The following KCNS3 variants were observed in gnomAD, a reference collection of about 807,000 sequenced individuals.
KCNS3 encodes the protein delayed-rectifier potassium channel regulatory subunit KCNS3.
In KCNS3, 13 loss-of-function variants were observed where a neutral mutation model predicts 31.0. The ratio of observed to expected loss-of-function variants is 0.42; its 90% CI spans 0.27 to 0.67. The LOEUF (loss-of-function observed/expected upper bound fraction) is 0.67. Ranked by LOEUF, KCNS3 falls within the 30% of genes least tolerant of loss-of-function variation. KCNS3 has a pLI of 0.25. For synonymous variants in KCNS3, 238 were observed against 241.5 expected, an observed-to-expected ratio of 0.99 and a Z score of 0.13; for missense variants, 545 against 622.4, an observed-to-expected ratio of 0.88 and a Z score of 1.32.
Position 17,931,628 on chromosome 2 carries a change from T to C in KCNS3, c.620T>C (p.Met207Thr), listed in dbSNP as rs1662976687. 6.2e-7 allele frequency: 1 copy of C among 1,614,184 alleles called. No homozygotes were observed. The highest frequency in any genetic ancestry group is 8.5e-7 in the Non-Finnish European group (1 of 1,180,036). The change falls in exon 3 of 3, where the codon ATG becomes ACG. Residue 207 changes from methionine to threonine, a missense_variant. Coordinates refer to ENST00000304101, the MANE Select transcript of KCNS3 (RefSeq NM_002252.5). This position sits in a 1 kb window ranked among gnomAD's most constrained non-coding sequence, Gnocchi z 5.4. ...ASIVAMCVHS[M>T]SEFQNEDGEV... ...ATCGTGGCCATGTGCGTTCACAGCA[T>C]GTCGGAGTTCCAGAATGAGGATGGA... is the stretch of plus-strand genomic sequence containing the variant.
intron 1 of KCNS3, among the ~76,000 whole-genome samples, chr2:17,888,629 G>GTATATCTATATATATC (rs35102585): frequency 9.7e-5 from 9 of 92,368 alleles, no homozygotes; most frequent in African/African-American, 3.6e-4. Flanking sequence ...TAAAAAAAAT[G>GTATATCTATATATATC]TATATATATA....
At chr2:17,906,825 T>A (rs368962182) in intron 1 of KCNS3, among the ~76,000 whole-genome samples, 3 of 152,026 alleles carry the variant, frequency 2.0e-5, no homozygotes, top group South Asian at 2.2e-4. Flanking sequence ...TCTGAGAGAC[T>A]GTTTGTTATA....
chr2:17,909,313 G>A (rs1254251463), intron 1 of KCNS3, among the ~76,000 whole-genome samples: 4 of 152,140 alleles, frequency 2.6e-5, no homozygotes, highest in African/African-American at 4.8e-5. Context: ...GGAAAAGTGC[G>A]GTATTAGGGT....
chr2:17,904,089 T>G (rs902892664), intron 1 of KCNS3, among the ~76,000 whole-genome samples: 1 of 152,182 alleles, frequency 6.6e-6, no homozygotes, highest in Non-Finnish European at 1.5e-5. Context: ...GTAAAAGTGT[T>G]CCTATTTCTC....
At position 17,884,263 on chromosome 2, in the gene KCNS3, AAAAAAATATATATAT is replaced by A. The variant is rs1274362024; in HGVS notation, c.-252+5459_-252+5473del. On this transcript the variant is annotated intron_variant, in intron 1 of 2. Transcript: ENST00000304101. ...TAGAACTTAAAGTATAATTAAAAAAAAAAAAATATATATATATATATATATATATATATATATATA... is the reference window on the plus strand; with the variant it reads ...TAGAACTTAAAGTATAATTAAAAAAAATATATATATATATATATATATATA... 4.8e-3 allele frequency among the ~76,000 whole-genome samples: 228 copies of A among 47,244 alleles called. 7 individuals carry two copies. The East Asian group carries it at 0.076, about 16-fold the overall frequency. 31.0% of individuals were successfully genotyped at this position (47,244 alleles called of 152,430 possible).
intron 2 of KCNS3, among the ~76,000 whole-genome samples, chr2:17,919,041 TTG>T (rs2125249597): frequency 6.6e-6 from 1 of 152,348 alleles, no homozygotes; most frequent in East Asian, 1.9e-4. Context: ...CTGTTTCTGT[TTG>T]AAAAGCTATC....
chr2:17,926,724 C>G (rs879713274), intron 2 of KCNS3, among the ~76,000 whole-genome samples: 2 of 152,254 alleles, frequency 1.3e-5, no homozygotes, highest in Non-Finnish European at 2.9e-5. Flanking sequence ...CAGCGGGGCC[C>G]TAGGCCTAGC....
rs1662261530 is a variant in KCNS3 at position 17,904,314 on chromosome 2, T to C, written c.-251-13366T>C. ...CACTTGTTGATGGGGTTGTTTGTTTTTTTCTTGTAAATTTGTTGGAGTTCT... is the reference window on the plus strand; with the variant it reads ...CACTTGTTGATGGGGTTGTTTGTTTCTTTCTTGTAAATTTGTTGGAGTTCT... On this transcript the variant is annotated intron_variant, in intron 1 of 2. Transcript: ENST00000304101. Among the ~76,000 whole-genome samples the C allele has an allele frequency of 2.0e-5, 3 of 150,950 alleles. No individual in the cohort carries two copies. The South Asian group carries it at 6.4e-4, about 32-fold the overall frequency.
At chr2:17,911,135 T>G (rs886790919) in intron 1 of KCNS3, among the ~76,000 whole-genome samples, 1 of 152,262 alleles carries the variant, frequency 6.6e-6, no homozygotes, top group Non-Finnish European at 1.5e-5. Flanking sequence ...ACTCTACCTC[T>G]TCTGAACTTC....
chr2:17,888,637 A>C lies in KCNS3; in HGVS notation c.-252+9831A>C, dbSNP rs1407562262. On this transcript the variant is annotated intron_variant, in intron 1 of 2. Coordinates refer to ENST00000304101, the MANE Select transcript of KCNS3 (RefSeq NM_002252.5). The stretch of plus-strand genomic sequence containing the variant: ...AGTATAATAAAAAAAATGTATATAT[A>C]TATATATATATATATATATATATAT... Among the ~76,000 whole-genome samples the C allele has an allele frequency of 4.8e-3, 339 of 70,742 alleles. 11 individuals are homozygous for C. The highest frequency in any genetic ancestry group is 0.024 in the Admixed American group (190 of 8,030). 46.4% of individuals were successfully genotyped at this position (70,742 alleles called of 152,430 possible).
chr2:17,930,963 T>A lies in KCNS3; in HGVS notation c.-46T>A. On this transcript the variant is annotated 5_prime_UTR_variant, in exon 3 of 3. Transcript: ENST00000304101. ...TGCTCTTTCCAGGTGCAGCCTGATC[T>A]TCCTCTTCTCCCTTGCCAGCCAGCA... is the stretch of plus-strand genomic sequence containing the variant. 6.3e-7 allele frequency: 1 copy of A among 1,581,292 alleles called. No individual in the cohort carries two copies.
chr2:17,899,917 A>G (rs548130719), intron 1 of KCNS3, among the ~76,000 whole-genome samples: 2 of 152,330 alleles, frequency 1.3e-5, no homozygotes, highest in African/African-American at 4.8e-5. Context: ...AGATAAAGCC[A>G]AAATACAGTT....
At chr2:17,922,422 T>C (rs1281650288) in intron 2 of KCNS3, among the ~76,000 whole-genome samples, 1 of 152,196 alleles carries the variant, frequency 6.6e-6, no homozygotes, top group African/African-American at 2.4e-5. Context: ...TTGTCAAGGC[T>C]GGTCTCAAAC....
chr2:17,877,857 G>A (rs1190048018), upstream of KCNS3: 1 of 152,284 alleles, frequency 6.6e-6, no homozygotes, highest in African/African-American at 2.4e-5. Context: ...AGTGCAGCGA[G>A]GCCAGCGATG....
At chr2:17,901,348 G>A (rs1365227724) in intron 1 of KCNS3, among the ~76,000 whole-genome samples, 2 of 152,106 alleles carry the variant, frequency 1.3e-5, no homozygotes, top group East Asian at 1.9e-4. Flanking sequence ...AAATCGAGTT[G>A]AGAGGCAATG....
chr2:17,922,943 G>C (rs1662752219), intron 2 of KCNS3, among the ~76,000 whole-genome samples: 2 of 152,064 alleles, frequency 1.3e-5, no homozygotes, highest in African/African-American at 4.8e-5. Flanking sequence ...TATGTTTTCA[G>C]TTCTCTTGGG....
At chr2:17,911,848 G>T (rs1033755875) in intron 1 of KCNS3, among the ~76,000 whole-genome samples, 2 of 152,162 alleles carry the variant, frequency 1.3e-5, no homozygotes, top group Non-Finnish European at 2.9e-5. Context: ...CCTAAAATCA[G>T]TTAACTTCTC....
chr2:17,906,482 T>TAAC (rs1416405904), intron 1 of KCNS3, among the ~76,000 whole-genome samples: 1 of 152,206 alleles, frequency 6.6e-6, no homozygotes, highest in Non-Finnish European at 1.5e-5. Flanking sequence ...GTGATCTTAG[T>TAAC]TATTTCTTGC....
chr2:17,914,914 C>G lies in KCNS3; in HGVS notation c.-251-2766C>G, dbSNP rs540439408. On this transcript the variant is annotated intron_variant, in intron 1 of 2. Transcript: ENST00000304101. ...AACCTTACTCCTATGATTCTGAGAC[C>G]TGGGAGAATGGTGCAGGGAGTCATT... 7.7e-4 allele frequency among the ~76,000 whole-genome samples: 117 copies of G among 152,298 alleles called. 2 individuals carry two copies. Among genetic ancestry groups the G allele is most frequent in the Non-Finnish European group, 5.7e-4 (39 of 68,014 alleles).
Sources: allele counts gnomAD v4.1 joint callset (sites outside exome capture counted in the v4.1 genomes callset), GRCh38; gene constraint gnomAD v4.1.1; non-coding constraint Gnocchi (gnomAD v3.1); transcripts MANE v1.5; gene names NCBI Gene and HGNC (gene_info 2026-07-23, HGNC 2026-07-21).